Variants in RBMS1 observed in about 807,000 individuals in gnomAD.
RBMS1 encodes the protein RNA-binding motif, single-stranded-interacting protein 1.
RBMS1 carries 17 observed loss-of-function variants against 62.3 expected under a neutral mutation model. The observed-to-expected ratio is 0.27, with a 90% CI of 0.19 to 0.41. RBMS1 has a LOEUF of 0.41. RBMS1 is among the 10% of genes least tolerant of loss of function. The pLI, the probability that RBMS1 is intolerant of heterozygous loss-of-function variation, is 1.00. For synonymous variants in RBMS1, 172 were observed against 170.0 expected (o/e 1.01, Z -0.09); for missense variants, 334 against 504.5 (o/e 0.66, Z 3.24).
At chr2:160,336,869 T>C (rs889498076) in intron 2 of RBMS1, among the ~76,000 whole-genome samples, 4 of 152,302 alleles carry the variant, frequency 2.6e-5, no homozygotes, top group Admixed American at 2.6e-4. Flanking sequence ...ACATTTCCCT[T>C]GCCATGGGAA....
In RBMS1 at chr2:160,320,144, A is replaced by C. The variant is rs560692047; in HGVS notation, c.252-1917T>G. On this transcript the variant is annotated intron_variant, in intron 2 of 13. Transcript: ENST00000348849. The stretch of plus-strand genomic sequence containing the variant: ...GATATTTACCAGCTCCTATCGTTTG[A>C]ATATTTCACCCATCCAAATCTCATG... Among the ~76,000 whole-genome samples, 12 of 152,364 alleles carry C rather than the reference A, an allele frequency of 7.9e-5. No homozygotes were observed. In the South Asian group the frequency reaches 2.3e-3, roughly 29 times the overall value.
intron 4 of RBMS1, among the ~76,000 whole-genome samples, chr2:160,309,884 G>A (rs1326040261): frequency 6.6e-6 from 1 of 152,158 alleles, no homozygotes; most frequent in Non-Finnish European, 1.5e-5. Context: ...CTCACTATAA[G>A]CTTGCTACTT....
intron 1 of RBMS1, among the ~76,000 whole-genome samples, chr2:160,446,527 G>A (rs939942285): frequency 6.6e-6 from 1 of 152,080 alleles, no homozygotes; most frequent in African/African-American, 2.4e-5. Context: ...TTAGGCCAAA[G>A]CGTTCTCAGC....
chr2:160,447,374 T>C (rs1299936836), intron 1 of RBMS1, among the ~76,000 whole-genome samples: 1 of 152,206 alleles, frequency 6.6e-6, no homozygotes, highest in East Asian at 1.9e-4. Context: ...GCAAAGAAGC[T>C]AAGAAATGGA....
rs544424544 is a variant in RBMS1, at chr2:160,493,485, T to A, written c.-122A>T. ...CGGCGGCGGCGGCGGCGGCTGCTGC[T>A]GCTGCCGCTGCTCCACCTCCCAGCC... is the stretch of plus-strand genomic sequence containing the variant. On this transcript the variant is annotated 5_prime_UTR_variant, in exon 1 of 14. Coordinates refer to ENST00000348849, the MANE Select transcript of RBMS1 (RefSeq NM_016836.4). 3,165 of 789,462 alleles carry A rather than the reference T, an allele frequency of 4.0e-3. 16 individuals carry two copies. The highest frequency in any genetic ancestry group is 4.1e-3 in the South Asian group (280 of 68,644). The allele number at this position is 789,462 out of a possible 1,614,324, so 48.9% of individuals were successfully genotyped here.
At chr2:160,434,239 G>A (rs1272056793) in intron 1 of RBMS1, among the ~76,000 whole-genome samples, 3 of 152,168 alleles carry the variant, frequency 2.0e-5, no homozygotes, top group Non-Finnish European at 4.4e-5. Flanking sequence ...GTGTTTAGCT[G>A]ATACAGGATT....
intron 1 of RBMS1, among the ~76,000 whole-genome samples, chr2:160,471,285 G>A (rs1684900862): frequency 6.6e-6 from 1 of 152,012 alleles, no homozygotes; most frequent in African/African-American, 2.4e-5. Context: ...GTGTAAATTG[G>A]TCACTCTAGG....
chr2:160,335,786 C>A (rs1025658665), intron 2 of RBMS1, among the ~76,000 whole-genome samples: 2 of 152,144 alleles, frequency 1.3e-5, no homozygotes, highest in African/African-American at 4.8e-5. Context: ...GTGTCTAGGG[C>A]ACATTTACGG....
chr2:160,369,593 C>T (rs1693609332), intron 1 of RBMS1, among the ~76,000 whole-genome samples: 2 of 152,184 alleles, frequency 1.3e-5, no homozygotes, highest in East Asian at 1.9e-4. Context: ...ACACAAGCCA[C>T]ACTGTTTTCA....
intron 1 of RBMS1, among the ~76,000 whole-genome samples, chr2:160,416,468 C>T (rs1358968919): frequency 6.6e-6 from 1 of 152,112 alleles, no homozygotes; most frequent in Non-Finnish European, 1.5e-5. Flanking sequence ...GGGCTATTTA[C>T]ATTTTTCACA....
chr2:160,305,509 G>A (rs1251058789), intron 4 of RBMS1, among the ~76,000 whole-genome samples: 7 of 152,132 alleles, frequency 4.6e-5, no homozygotes, highest in African/African-American at 1.4e-4. Flanking sequence ...ACACCATCTG[G>A]GTTTGTGTAA....
chr2:160,286,065 C>A (rs528760983), intron 7 of RBMS1, among the ~76,000 whole-genome samples: 1 of 151,810 alleles, frequency 6.6e-6, no homozygotes, highest in African/African-American at 2.4e-5. Context: ...GAGCGGAGAT[C>A]GTGCCACTGC....
At chr2:160,385,754 A>G (rs1694536466) in intron 1 of RBMS1, among the ~76,000 whole-genome samples, 1 of 152,196 alleles carries the variant, frequency 6.6e-6, no homozygotes, top group African/African-American at 2.4e-5. Context: ...GAGAGAAGAG[A>G]ATGCAAAAGA....
At chr2:160,477,029 TTAAA>T (rs1281250847) in intron 1 of RBMS1, among the ~76,000 whole-genome samples, 3 of 152,356 alleles carry the variant, frequency 2.0e-5, no homozygotes, top group African/African-American at 7.2e-5. Flanking sequence ...TCCCCTAGCA[TTAAA>T]TGTTATACAG....
intron 2 of RBMS1, among the ~76,000 whole-genome samples, chr2:160,327,516 C>T (rs548483029): frequency 2.0e-5 from 3 of 151,672 alleles, no homozygotes; most frequent in Admixed American, 2.0e-4. Context: ...ATTACACAGA[C>T]TTGCTATTAT....
At chr2:160,454,821 C>T (rs1684151079) in intron 1 of RBMS1, among the ~76,000 whole-genome samples, 1 of 152,154 alleles carries the variant, frequency 6.6e-6, no homozygotes, top group Admixed American at 6.5e-5. Flanking sequence ...TCAAATATCA[C>T]CATGAAATGA....
intron 12 of RBMS1, among the ~76,000 whole-genome samples, chr2:160,276,876 G>A (rs1283701802): frequency 6.6e-6 from 1 of 152,108 alleles, no homozygotes. Flanking sequence ...GGCACTATAG[G>A]CTTAGAAAAT....
intron 2 of RBMS1, among the ~76,000 whole-genome samples, chr2:160,362,772 T>C (rs1455235922): frequency 3.3e-5 from 5 of 152,102 alleles, no homozygotes; most frequent in Non-Finnish European, 7.4e-5. Flanking sequence ...AAACCTTCAA[T>C]TTGTATTTTT....
intron 2 of RBMS1, among the ~76,000 whole-genome samples, chr2:160,362,301 T>C (rs1311883140): frequency 6.6e-6 from 1 of 152,226 alleles, no homozygotes; most frequent in Non-Finnish European, 1.5e-5. Context: ...TGCGGGCTGT[T>C]TGGTGCAAGA....
Sources: gnomAD v4.1 joint callset for allele counts (sites outside exome capture counted in the v4.1 genomes callset) on GRCh38, gnomAD v4.1.1 for gene constraint, MANE v1.5 for transcripts, NCBI Gene and HGNC (gene_info 2026-07-23, HGNC 2026-07-21) for gene names.